The following SYCP1 variants were observed in gnomAD, a reference collection of about 807,000 sequenced individuals.
The protein encoded by SYCP1 is synaptonemal complex protein 1, also known as cancer/testis antigen 8.
In SYCP1, 64 loss-of-function variants were observed where a neutral mutation model predicts 153.1. The ratio of observed to expected loss-of-function variants is 0.42; its 90% CI spans 0.34 to 0.51. The LOEUF (loss-of-function observed/expected upper bound fraction) is 0.51. Ranked by LOEUF, SYCP1 falls within the 20% of genes least tolerant of loss-of-function variation. SYCP1 has a pLI of 0.06. For missense variants in SYCP1, 997 were observed against 1,049.0 expected (o/e 0.95, Z 0.68); for synonymous variants, 384 against 341.8 (o/e 1.12, Z -1.36).
chr1:114,894,629 C>G (rs1666936414), intron 15 of SYCP1, among the ~76,000 whole-genome samples: 1 of 151,840 alleles, frequency 6.6e-6, no homozygotes, highest in South Asian at 2.1e-4. Flanking sequence ...GCAAAGAAAA[C>G]AAGAACAGGA....
At chr1:114,857,354 T>A in intron 4 of SYCP1, 79 bp downstream of exon 4, 1 of 1,535,744 alleles carries the variant, frequency 6.5e-7, no homozygotes, top group East Asian at 2.3e-5. Context: ...AAGTCTTTAG[T>A]TATTGCATTA....
chr1:114,907,285 G>T (rs1667872643), intron 16 of SYCP1, among the ~76,000 whole-genome samples: 1 of 152,132 alleles, frequency 6.6e-6, no homozygotes, highest in Non-Finnish European at 1.5e-5. Context: ...GCTAATTGGA[G>T]AATTTAGACC....
At chr1:114,932,729 A>G (rs1011717426) in intron 23 of SYCP1, among the ~76,000 whole-genome samples, 3 of 152,228 alleles carry the variant, frequency 2.0e-5, no homozygotes, top group Non-Finnish European at 2.9e-5. Context: ...CAATGGTCTT[A>G]GCAAACAACA....
At chr1:114,888,853 C>T (rs952068282) in intron 15 of SYCP1, among the ~76,000 whole-genome samples, 1 of 151,650 alleles carries the variant, frequency 6.6e-6, no homozygotes, top group Non-Finnish European at 1.5e-5. Flanking sequence ...ATCCCTCCCC[C>T]AGCCCCCCAC....
At chr1:114,957,231 AT>A (rs1441001693) in intron 27 of SYCP1, among the ~76,000 whole-genome samples, 2 of 152,104 alleles carry the variant, frequency 1.3e-5, no homozygotes, top group Non-Finnish European at 2.9e-5. Flanking sequence ...CACCCAGCTA[AT>A]TTTTAAATTT....
At chr1:114,982,886 TGTA>T (rs1327399545) in intron 29 of SYCP1, among the ~76,000 whole-genome samples, 1 of 152,040 alleles carries the variant, frequency 6.6e-6, no homozygotes, top group Non-Finnish European at 1.5e-5. Flanking sequence ...TGCTACTTGT[TGTA>T]GTTATTGTTT....
intron 8 of SYCP1, among the ~76,000 whole-genome samples, chr1:114,865,363 T>C (rs1022450853): frequency 6.6e-5 from 10 of 152,240 alleles, no homozygotes; most frequent in Non-Finnish European, 1.2e-4. Flanking sequence ...TCCTGGATTA[T>C]GTTGTGAGAA....
intron 27 of SYCP1, among the ~76,000 whole-genome samples, chr1:114,963,697 A>G (rs1248691022): frequency 3.3e-5 from 5 of 152,206 alleles, no homozygotes; most frequent in Admixed American, 2.0e-4. Flanking sequence ...TGTAAAGGAC[A>G]TGAACTAATT....
chr1:114,902,389 A>T (rs1667523930), intron 16 of SYCP1, among the ~76,000 whole-genome samples: 1 of 152,200 alleles, frequency 6.6e-6, no homozygotes, highest in Non-Finnish European at 1.5e-5. Flanking sequence ...CAGGATCAGG[A>T]AAGATTAGGC....
intron 23 of SYCP1, among the ~76,000 whole-genome samples, chr1:114,932,186 C>T (rs1285150670): frequency 6.6e-6 from 1 of 152,082 alleles, no homozygotes; most frequent in Non-Finnish European, 1.5e-5. Flanking sequence ...ATATTCTTAA[C>T]ATGTCAAATA....
intron 14 of SYCP1, among the ~76,000 whole-genome samples, chr1:114,886,765 A>G (rs898495000): frequency 6.6e-6 from 1 of 151,972 alleles, no homozygotes; most frequent in Non-Finnish European, 1.5e-5. Context: ...ATTAATCAGT[A>G]TAAATTTAAT....
intron 23 of SYCP1, among the ~76,000 whole-genome samples, chr1:114,933,288 CT>C (rs1669761407): frequency 6.6e-6 from 1 of 152,182 alleles, no homozygotes; most frequent in Admixed American, 6.5e-5. Flanking sequence ...CAAACAGGGT[CT>C]GAAATGGACC....
intron 16 of SYCP1, among the ~76,000 whole-genome samples, chr1:114,902,204 G>A (rs1399680271): frequency 6.6e-6 from 1 of 152,176 alleles, no homozygotes; most frequent in African/African-American, 2.4e-5. Flanking sequence ...CCAGATCTCC[G>A]GGAGCAATGG....
chr1:114,954,579 ATTT>A (rs377482483), intron 27 of SYCP1, among the ~76,000 whole-genome samples: 1 of 145,944 alleles, frequency 6.9e-6, no homozygotes. Context: ...TTATTTATTT[ATTT>A]TTTATTTATT....
intron 15 of SYCP1, among the ~76,000 whole-genome samples, chr1:114,889,711 A>T (rs887644914): frequency 1.6e-4 from 24 of 152,044 alleles, no homozygotes; most frequent in African/African-American, 5.8e-4. Flanking sequence ...ATTTAATTAG[A>T]TCCCATTTAT....
chr1:114,871,769 A>G (rs1314796923), intron 8 of SYCP1, among the ~76,000 whole-genome samples: 1 of 151,992 alleles, frequency 6.6e-6, no homozygotes, highest in Non-Finnish European at 1.5e-5. Flanking sequence ...TATGTTTAGT[A>G]GAGATGGATT....
intron 20 of SYCP1, among the ~76,000 whole-genome samples, chr1:114,919,350 A>G (rs547323514): frequency 6.6e-6 from 1 of 152,262 alleles, no homozygotes; most frequent in African/African-American, 2.4e-5. Context: ...TGTGGGATAA[A>G]TCTCACTTGG....
intron 16 of SYCP1, among the ~76,000 whole-genome samples, chr1:114,898,499 T>G (rs909073347): frequency 5.3e-5 from 8 of 152,196 alleles, no homozygotes; most frequent in Non-Finnish European, 1.2e-4. Context: ...CCATCCCCTT[T>G]TCTTCCTTCT....
chr1:114,885,443 G>A (rs750801039), intron 12 of SYCP1, 92 bp from the exon 13 acceptor site: 24 of 694,094 alleles, frequency 3.5e-5, no homozygotes, highest in East Asian at 6.4e-5. Flanking sequence ...ATTATCTAAC[G>A]GAGGAAAAAG....
Sources: gnomAD v4.1 joint callset for allele counts (sites outside exome capture counted in the v4.1 genomes callset) on GRCh38, gnomAD v4.1.1 for gene constraint, MANE v1.5 for transcripts, NCBI Gene and HGNC (gene_info 2026-07-23, HGNC 2026-07-21) for gene names.